IL13RA2: variants seen among roughly 807,000 people sequenced by gnomAD.
IL13RA2 encodes the protein interleukin-13 receptor subunit alpha-2.
In IL13RA2, 25 loss-of-function variants were observed where a neutral mutation model predicts 34.1. The ratio of observed to expected loss-of-function variants is 0.73; its 90% CI spans 0.53 to 1.03. The LOEUF is 1.03. Among genes scored for constraint, IL13RA2 ranks in the 50% least tolerant of loss-of-function variants. The pLI is 0.00. For missense variants in IL13RA2, 297 were observed against 280.9 expected, an observed-to-expected ratio of 1.06 and a Z score of -0.41; for synonymous variants, 106 against 100.4, an observed-to-expected ratio of 1.06 and a Z score of -0.33.
At chrX:115,009,879 C>G (rs1296556242) in intron 6 of IL13RA2, among the ~76,000 whole-genome samples, 2 of 111,895 alleles carry the variant, frequency 1.8e-5, no homozygotes, top group South Asian at 7.4e-4. Flanking sequence ...TCATTTTTGA[C>G]AAGTCACCCA....
At chrX:115,014,682 T>G in intron 3 of IL13RA2, 108 bp from the exon 4 acceptor site, 1 of 439,650 alleles carries the variant, frequency 2.3e-6, no homozygotes. Flanking sequence ...GTTCCCAATA[T>G]CTAAGACAAT....
rs1556508593 is a variant in IL13RA2, at chrX:115,010,597, C to A, written c.706+47G>T. ...ACCCTCTCAAGTGGTTGTAAATGGC[C>A]TAAACTAGAAACAATGAATTTGAAG... is the stretch of plus-strand genomic sequence containing the variant. On this transcript the variant is annotated intron_variant, in intron 6 of 9. Coordinates refer to ENST00000243213, the MANE Select transcript of IL13RA2 (RefSeq NM_000640.3). 3 of 580,302 alleles carry A rather than the reference C, an allele frequency of 5.2e-6. No homozygotes were observed. In the South Asian group the frequency reaches 1.0e-4, roughly 20 times the overall value. The allele number at this position is 580,302 out of a possible 1,213,427, so 47.8% of individuals were successfully genotyped here.
chrX:115,006,458 G>A (rs782506867), intron 8 of IL13RA2, among the ~76,000 whole-genome samples: 3 of 111,427 alleles, frequency 2.7e-5, no homozygotes, highest in Non-Finnish European at 3.8e-5. Context: ...CGAGGTGGAC[G>A]GATCACTTGA....
At chrX:115,014,392 T>C (rs1419442908) in intron 4 of IL13RA2, 29 bp downstream of exon 4, 1 of 1,105,798 alleles carries the variant, frequency 9.0e-7, no homozygotes, top group Non-Finnish European at 1.2e-6. Context: ...CTGATAGTAT[T>C]AAATATGAAA....
At chrX:115,012,695 G>A (rs2071710505) in intron 5 of IL13RA2, among the ~76,000 whole-genome samples, 1 of 110,630 alleles carries the variant, frequency 9.0e-6, no homozygotes, top group Non-Finnish European at 1.9e-5. Context: ...AACCCAGGAG[G>A]TGGAGGCTGC....
intron 4 of IL13RA2, 99 bp downstream of exon 4, chrX:115,014,322 A>T (rs1329971810): frequency 1.5e-5 from 9 of 593,158 alleles, no homozygotes; most frequent in Non-Finnish European, 2.4e-5. Flanking sequence ...CTGTCACAGG[A>T]TCTATTGTGC....
At position 115,017,189 on chromosome X, in the gene IL13RA2, G is replaced by T; in HGVS notation, c.81C>A (p.Asp27Glu). 1.2e-6 allele frequency: 1 copy of T among 839,487 alleles called. No homozygotes were observed. The highest frequency in any genetic ancestry group is 1.8e-6 in the Non-Finnish European group (1 of 560,286). 69.2% of individuals were successfully genotyped at this position (839,487 alleles called of 1,213,427 possible). ...AAATCCATTTACCTTTTATCTCGGT[G>T]TCTGAAGATGAAGTACAGCCAAATG... ...STTFGCTSSS[D>E]TEIKVNPPQD... Residue 27 changes from aspartate to glutamate, a missense_variant, in exon 2 of 10, where the codon GAC becomes GAA. Physicochemically the swap from Asp to Glu is conservative, Grantham distance 45. Coordinates refer to ENST00000243213, the MANE Select transcript of IL13RA2 (RefSeq NM_000640.3).
At chrX:115,016,850 C>T (rs1293246630) in intron 2 of IL13RA2, among the ~76,000 whole-genome samples, 1 of 109,643 alleles carries the variant, frequency 9.1e-6, no homozygotes, top group Non-Finnish European at 1.9e-5. Flanking sequence ...AATTAAGGAA[C>T]TGTTCCAGTT....
chrX:115,007,628 G>A (rs782244533), intron 8 of IL13RA2, among the ~76,000 whole-genome samples: 1 of 111,632 alleles, frequency 9.0e-6, no homozygotes, highest in East Asian at 2.8e-4. Context: ...AATACTGAAA[G>A]CATATGAAAA....
intron 5 of IL13RA2, 33 bp downstream of exon 5, chrX:115,013,736 T>G (rs376406933): frequency 2.4e-6 from 2 of 819,325 alleles, no homozygotes; most frequent in African/African-American, 4.1e-5. Flanking sequence ...TAGACATTTT[T>G]TAATATGGAA....
chrX:115,011,382 T>G (rs1347111683), intron 5 of IL13RA2, among the ~76,000 whole-genome samples: 8 of 111,971 alleles, frequency 7.1e-5, no homozygotes, highest in Non-Finnish European at 1.3e-4. Flanking sequence ...GTTTGGCAAG[T>G]AAATATTTAA....
At chrX:115,010,946 C>A (rs1473250406) in intron 5 of IL13RA2, 118 bp from the exon 6 acceptor site, 1 of 357,830 alleles carries the variant, frequency 2.8e-6, no homozygotes, top group Non-Finnish European at 4.9e-6. Context: ...TAATAATGTA[C>A]AATATTTATT....
intron 5 of IL13RA2, among the ~76,000 whole-genome samples, chrX:115,011,129 T>C (rs989841322): frequency 1.8e-5 from 2 of 111,937 alleles, no homozygotes; most frequent in African/African-American, 3.2e-5. Flanking sequence ...TCAACAAGGT[T>C]TGTGAATCAA....
intron 3 of IL13RA2, among the ~76,000 whole-genome samples, chrX:115,015,119 C>T (rs186636931): frequency 2.0e-4 from 22 of 111,789 alleles, no homozygotes; most frequent in Admixed American, 1.8e-3. Context: ...CTTGAAACTA[C>T]CTAGCTGAAT....
At chrX:115,014,331 G>A in intron 4 of IL13RA2, 90 bp downstream of exon 4, 1 of 631,986 alleles carries the variant, frequency 1.6e-6, no homozygotes, top group Non-Finnish European at 2.4e-6. Context: ...GATCTATTGT[G>A]CCTACAGCCT....
rs1247233391 is a variant in IL13RA2 at position 115,010,842 on chromosome X, G to A, written c.522-14C>T. 3.0e-5 allele frequency: 27 copies of A among 906,542 alleles called. No individual in the cohort carries two copies. Among genetic ancestry groups the A allele is most frequent in the Non-Finnish European group, 3.7e-5 (25 of 675,681 alleles). The allele number at this position is 906,542 out of a possible 1,213,427, so 74.7% of individuals were successfully genotyped here. ...AAGCCCTCATACCTGTAAAATGAGT[G>A]TTGTGAGAATTGTGTTTAAATAACA... On this transcript the variant is annotated splice_polypyrimidine_tract_variant and intron_variant, in intron 5 of 9. Coordinates refer to ENST00000243213, the MANE Select transcript of IL13RA2 (RefSeq NM_000640.3).
intron 5 of IL13RA2, among the ~76,000 whole-genome samples, chrX:115,011,670 G>A (rs1170243333): frequency 8.9e-6 from 1 of 111,964 alleles, no homozygotes; most frequent in South Asian, 3.7e-4. Flanking sequence ...TTTACTTTAG[G>A]GAGAGTTTGC....
Position 115,017,314 on chromosome X carries a change from AAATAT to A in IL13RA2, c.-33-17_-33-13del, listed in dbSNP as rs2071732319. 1.6e-6 allele frequency: 1 copy of A among 606,153 alleles called. No individual in the cohort carries two copies. The highest frequency in any genetic ancestry group is 2.8e-6 in the Non-Finnish European group (1 of 352,934). The allele number at this position is 606,153 out of a possible 1,213,427, so 50.0% of individuals were successfully genotyped here. On this transcript the variant is annotated splice_polypyrimidine_tract_variant and intron_variant, in intron 1 of 9. Transcript: ENST00000243213. The stretch of plus-strand genomic sequence containing the variant: ...TTGATATTGCCTCTCTATGAAGGAA[AAATAT>A]AACATTTTAACTTTATCTTACATCA...
chrX:115,007,227 G>T (rs2147584764), intron 8 of IL13RA2, among the ~76,000 whole-genome samples: 1 of 111,896 alleles, frequency 8.9e-6, no homozygotes, highest in Admixed American at 9.5e-5. Context: ...GAAAGGAGAT[G>T]AATGATTGAT....
Sources: allele counts gnomAD v4.1 joint callset (sites outside exome capture counted in the v4.1 genomes callset), GRCh38; gene constraint gnomAD v4.1.1; transcripts MANE v1.5; gene names NCBI Gene and HGNC (gene_info 2026-07-23, HGNC 2026-07-21).